Variants in ACVR1 observed in about 807,000 individuals in gnomAD.
ACVR1 encodes activin A receptor type 1.
Under a neutral mutation model 57.1 loss-of-function variants are expected in ACVR1, and 38 were observed. That is an observed-to-expected ratio of 0.67 (90% CI 0.51 to 0.87). The LOEUF (loss-of-function observed/expected upper bound fraction) is 0.87. Ranked by LOEUF, ACVR1 falls within the 40% of genes least tolerant of loss-of-function variation. The pLI is 0.00. For synonymous variants in ACVR1, 212 were observed against 228.1 expected (o/e 0.93, Z 0.63); for missense variants, 463 against 638.2 (o/e 0.73, Z 2.96).
At chr2:157,823,138 T>C (rs1688216651) in intron 1 of ACVR1, among the ~76,000 whole-genome samples, 1 of 152,184 alleles carries the variant, frequency 6.6e-6, no homozygotes, top group East Asian at 1.9e-4. Context: ...CACATGCTCC[T>C]ATCCTGCACT....
intron 8 of ACVR1, among the ~76,000 whole-genome samples, chr2:157,762,216 C>G (rs1211060076): frequency 1.3e-5 from 2 of 152,042 alleles, no homozygotes; most frequent in Non-Finnish European, 2.9e-5. Flanking sequence ...AACTACAGTC[C>G]AAAAATAGGT....
At chr2:157,849,027 C>T (rs930400001) in intron 1 of ACVR1, among the ~76,000 whole-genome samples, 3 of 152,158 alleles carry the variant, frequency 2.0e-5, no homozygotes, top group African/African-American at 4.8e-5. Context: ...GCTCTGTCTT[C>T]AAAGTATATC....
intron 1 of ACVR1, among the ~76,000 whole-genome samples, chr2:157,840,988 C>T (rs9807959): frequency 0.032 from 4,943 of 152,312 alleles, 269 homozygotes; most frequent in African/African-American, 0.11. Context: ...GTGATCCCGA[C>T]GGCAACCACA....
At chr2:157,859,202 C>T (rs1377376419) in intron 1 of ACVR1, among the ~76,000 whole-genome samples, 6 of 152,070 alleles carry the variant, frequency 3.9e-5, no homozygotes, top group Admixed American at 6.6e-5. Flanking sequence ...AAACAGGTTG[C>T]GGTAAAGAAG....
chr2:157,841,751 C>T (rs775708803), intron 1 of ACVR1, among the ~76,000 whole-genome samples: 6 of 152,044 alleles, frequency 3.9e-5, no homozygotes, highest in African/African-American at 7.2e-5. Flanking sequence ...TGGCAGGGCA[C>T]GGTGGCTAAC....
In ACVR1 at chr2:157,875,858, TGCAGGTCGGCGCGGC is replaced by T. The variant is rs1574177961; in HGVS notation, c.-260_-246del. 1.4e-5 allele frequency: 2 copies of T among 147,772 alleles called. No homozygotes were observed. Among genetic ancestry groups the T allele is most frequent in the African/African-American group, 4.9e-5 (2 of 40,496 alleles). 9.2% of individuals were successfully genotyped at this position (147,772 alleles called of 1,614,324 possible). ...GGCGGAGTGCGAGGCAGCCGGGCGC[TGCAGGTCGGCGCGGC>T]GCGGGGCGGCGCGGGGCGGGGCGGG... is the stretch of plus-strand genomic sequence containing the variant. On this transcript the variant is annotated 5_prime_UTR_variant, in exon 1 of 11. Transcript: ENST00000434821.
intron 2 of ACVR1, among the ~76,000 whole-genome samples, chr2:157,807,869 GT>G (rs1687612466): frequency 2.2e-5 from 1 of 44,634 alleles, no homozygotes. Flanking sequence ...GGGGGGGTGG[GT>G]ATAAGATGAA....
chr2:157,866,260 T>C (rs1228270731), intron 1 of ACVR1, among the ~76,000 whole-genome samples: 1 of 152,076 alleles, frequency 6.6e-6, no homozygotes, highest in Non-Finnish European at 1.5e-5. Context: ...CCTGGAAGAT[T>C]TCCATGTACA....
chr2:157,827,312 CAG>C (rs1342049982), intron 1 of ACVR1, among the ~76,000 whole-genome samples: 1 of 151,960 alleles, frequency 6.6e-6, no homozygotes, highest in Non-Finnish European at 1.5e-5. Flanking sequence ...GCCCACTGTG[CAG>C]AGAGAACAAG....
intron 1 of ACVR1, among the ~76,000 whole-genome samples, chr2:157,823,776 G>T (rs1688236387): frequency 6.6e-6 from 1 of 152,162 alleles, no homozygotes; most frequent in Non-Finnish European, 1.5e-5. Context: ...TGGTTTGGTG[G>T]TCCATCAAAA....
intron 1 of ACVR1, among the ~76,000 whole-genome samples, chr2:157,861,978 G>A (rs375971212): frequency 6.6e-6 from 1 of 152,086 alleles, no homozygotes; most frequent in Non-Finnish European, 1.5e-5. Context: ...AAAAGGCCAC[G>A]GCATTATAAT....
chr2:157,852,963 G>C (rs1689373987), intron 1 of ACVR1, among the ~76,000 whole-genome samples: 1 of 152,160 alleles, frequency 6.6e-6, no homozygotes, highest in African/African-American at 2.4e-5. Flanking sequence ...GTAGGATGTG[G>C]AGATGTTCAA....
At chr2:157,843,055 T>C (rs1689026657) in intron 1 of ACVR1, among the ~76,000 whole-genome samples, 1 of 152,196 alleles carries the variant, frequency 6.6e-6, no homozygotes, top group South Asian at 2.1e-4. Flanking sequence ...CTAAATTCTA[T>C]CCTCCCATTG....
At chr2:157,741,650 G>GAAAAGA (rs1248604823) in intron 9 of ACVR1, among the ~76,000 whole-genome samples, 25 of 150,932 alleles carry the variant, frequency 1.7e-4, no homozygotes, top group African/African-American at 6.1e-4. Context: ...AAAGAAAAAA[G>GAAAAGA]AAAAGAAAAA....
chr2:157,872,195 C>T (rs1354834549), intron 1 of ACVR1, among the ~76,000 whole-genome samples: 1 of 152,128 alleles, frequency 6.6e-6, no homozygotes, highest in Non-Finnish European at 1.5e-5. Context: ...CCACAGTGCC[C>T]GGTGCTTGCT....
At chr2:157,862,964 C>T (rs549842566) in intron 1 of ACVR1, among the ~76,000 whole-genome samples, 23 of 149,556 alleles carry the variant, frequency 1.5e-4, no homozygotes, top group African/African-American at 5.7e-4. Flanking sequence ...ACATAAAATT[C>T]CATTCTATGA....
intron 9 of ACVR1, among the ~76,000 whole-genome samples, chr2:157,745,278 G>C (rs1010873166): frequency 2.0e-5 from 3 of 152,142 alleles, no homozygotes; most frequent in African/African-American, 7.2e-5. Context: ...GAACAAGACA[G>C]CCTTAGAGCT....
rs547801558 is a variant in ACVR1 at position 157,759,557 on chromosome 2, A to C, written c.1264+1323T>G. Among the ~76,000 whole-genome samples the C allele has an allele frequency of 9.2e-5, 14 of 152,238 alleles. No individual in the cohort carries two copies. In the South Asian group the frequency reaches 2.9e-3, roughly 32 times the overall value. ...ACTTCTTCTTGAACTATTCCAAAAA[A>C]TTGAAGAGGACTGAATTGTCCCTAA... On this transcript the variant is annotated intron_variant, in intron 9 of 10. Transcript: ENST00000434821.
At chr2:157,794,656 A>G (rs1437866752) in intron 3 of ACVR1, among the ~76,000 whole-genome samples, 2 of 152,214 alleles carry the variant, frequency 1.3e-5, no homozygotes, top group African/African-American at 4.8e-5. Context: ...ATCCAAAAAC[A>G]ATGTATCTTA....
Sources: gnomAD v4.1 joint callset for allele counts (sites outside exome capture counted in the v4.1 genomes callset) on GRCh38, gnomAD v4.1.1 for gene constraint, MANE v1.5 for transcripts, NCBI Gene and HGNC (gene_info 2026-07-23, HGNC 2026-07-21) for gene names.